Variants in ENTHD1 observed in about 807,000 individuals in gnomAD.
ENTHD1 encodes ENTH domain-containing protein 1.
In ENTHD1, 23 loss-of-function variants were observed where a neutral mutation model predicts 39.1. The observed-to-expected ratio is 0.59, with a 90% CI of 0.42 to 0.83. ENTHD1 has a LOEUF of 0.83. ENTHD1 is among the 40% of genes least tolerant of loss of function. The pLI is 0.00. For synonymous variants in ENTHD1, 230 were observed against 258.2 expected (o/e 0.89, Z 1.05); for missense variants, 624 against 705.4 (o/e 0.88, Z 1.31).
At chr22:39,779,893 GT>G (rs879843739) in intron 5 of ENTHD1, among the ~76,000 whole-genome samples, 3 of 151,718 alleles carry the variant, frequency 2.0e-5, no homozygotes, top group Non-Finnish European at 2.9e-5. Flanking sequence ...TATAAGATGG[GT>G]TTTTTTTGGT....
At chr22:39,880,205 G>A (rs2066326387) in intron 2 of ENTHD1, among the ~76,000 whole-genome samples, 1 of 152,218 alleles carries the variant, frequency 6.6e-6, no homozygotes, top group African/African-American at 2.4e-5. Context: ...CTGCACTCCA[G>A]CCCAGTGACA....
chr22:39,788,914 T>C, intron 5 of ENTHD1, among the ~76,000 whole-genome samples: 1 of 152,222 alleles, frequency 6.6e-6, no homozygotes, highest in Non-Finnish European at 1.5e-5. Flanking sequence ...AATTAAGGTG[T>C]ATACATTGTA....
intron 3 of ENTHD1, among the ~76,000 whole-genome samples, chr22:39,856,137 G>A (rs990392931): frequency 6.6e-6 from 1 of 152,134 alleles, no homozygotes; most frequent in African/African-American, 2.4e-5. Context: ...AGCCGGGTAT[G>A]GTGGCATGTG....
At chr22:39,775,085 A>T (rs1386375758) in intron 5 of ENTHD1, among the ~76,000 whole-genome samples, 4 of 152,234 alleles carry the variant, frequency 2.6e-5, no homozygotes, top group Non-Finnish European at 5.9e-5. Context: ...TACATAGTAC[A>T]ATGTGAATAC....
intron 5 of ENTHD1, among the ~76,000 whole-genome samples, chr22:39,816,830 GT>G (rs1401934691): frequency 6.6e-6 from 1 of 151,812 alleles, no homozygotes; most frequent in East Asian, 1.9e-4. Flanking sequence ...CATTAAGAAA[GT>G]TGAAAGACAA....
chr22:39,825,231 A>C (rs1413956336), intron 4 of ENTHD1, among the ~76,000 whole-genome samples: 1 of 152,216 alleles, frequency 6.6e-6, no homozygotes. Context: ...TTAAATTTAT[A>C]CCTAAGTATT....
At chr22:39,817,232 A>T (rs2065740780) in intron 5 of ENTHD1, among the ~76,000 whole-genome samples, 1 of 152,198 alleles carries the variant, frequency 6.6e-6, no homozygotes, top group Non-Finnish European at 1.5e-5. Flanking sequence ...GGCACAAATT[A>T]TGACCAAGAG....
At chr22:39,828,907 GT>G (rs1206546625) in intron 4 of ENTHD1, among the ~76,000 whole-genome samples, 1 of 152,074 alleles carries the variant, frequency 6.6e-6, no homozygotes, top group Non-Finnish European at 1.5e-5. Context: ...GCTCTATTCT[GT>G]TATGAATTTT....
intron 6 of ENTHD1, among the ~76,000 whole-genome samples, chr22:39,753,158 T>G (rs1401574555): frequency 6.6e-6 from 1 of 152,214 alleles, no homozygotes; most frequent in Admixed American, 6.5e-5. Context: ...TGTAGAATAC[T>G]GAATTTTTTC....
chr22:39,768,492 C>T (rs1467562926), intron 5 of ENTHD1, among the ~76,000 whole-genome samples: 1 of 152,156 alleles, frequency 6.6e-6, no homozygotes, highest in Non-Finnish European at 1.5e-5. Flanking sequence ...TTAAACCCTA[C>T]TATTCCTCAA....
At chr22:39,752,153 G>A (rs1301662429) in intron 6 of ENTHD1, among the ~76,000 whole-genome samples, 1 of 151,470 alleles carries the variant, frequency 6.6e-6, no homozygotes, top group East Asian at 1.9e-4. Context: ...ATACTTTTTG[G>A]TATACTATAT....
At chr22:39,861,299 G>A (rs552250661) in intron 3 of ENTHD1, among the ~76,000 whole-genome samples, 3 of 152,304 alleles carry the variant, frequency 2.0e-5, no homozygotes, top group South Asian at 2.1e-4. Flanking sequence ...CAGCACTTTC[G>A]GAGGCCAAGG....
chr22:39,853,656 G>A (rs974972686), intron 3 of ENTHD1, among the ~76,000 whole-genome samples: 35 of 152,174 alleles, frequency 2.3e-4, no homozygotes, highest in Non-Finnish European at 4.6e-4. Context: ...TCACTGCAAC[G>A]TCTGCCTCCC....
chr22:39,842,146 C>A (rs2065949176), intron 3 of ENTHD1, among the ~76,000 whole-genome samples: 3 of 151,324 alleles, frequency 2.0e-5, no homozygotes, highest in Admixed American at 1.3e-4. Context: ...GTAACCCAAC[C>A]TTTCTCTCTG....
At chr22:39,785,029 A>G (rs1353250574) in intron 5 of ENTHD1, among the ~76,000 whole-genome samples, 2 of 152,208 alleles carry the variant, frequency 1.3e-5, no homozygotes, top group Admixed American at 1.3e-4. Context: ...AACTTATCAC[A>G]TGTGCCTTGA....
intron 4 of ENTHD1, among the ~76,000 whole-genome samples, chr22:39,829,685 G>C (rs2065852649): frequency 6.6e-6 from 1 of 151,914 alleles, no homozygotes; most frequent in Non-Finnish European, 1.5e-5. Flanking sequence ...CAGCTACTTG[G>C]AGGGCTGAGG....
chr22:39,883,978 G>GA (rs918758862), intron 2 of ENTHD1, among the ~76,000 whole-genome samples: 13 of 150,948 alleles, frequency 8.6e-5, no homozygotes, highest in Non-Finnish European at 1.8e-4. Flanking sequence ...TCTTTAAAAT[G>GA]AAAAAAACTT....
chr22:39,823,790 C>T (rs769534305), intron 4 of ENTHD1, among the ~76,000 whole-genome samples: 5 of 152,124 alleles, frequency 3.3e-5, no homozygotes, highest in Non-Finnish European at 5.9e-5. Context: ...GTAATATATT[C>T]GTGTTTTAAT....
chr22:39,774,146 G>C lies in ENTHD1; in HGVS notation c.833-8537C>G, dbSNP rs552761101. Reference sequence around the variant, plus strand: ...ACTGAAATCTTAAGACCATTTCTTTGAAACTCATTCCTCTTCAGATGCCTC... The same window carrying C: ...ACTGAAATCTTAAGACCATTTCTTTCAAACTCATTCCTCTTCAGATGCCTC... On this transcript the variant is annotated intron_variant, in intron 5 of 6. Transcript: ENST00000325157. Among the ~76,000 whole-genome samples, 18 of 152,266 alleles carry C rather than the reference G, an allele frequency of 1.2e-4. 2 individuals carry two copies. The South Asian group carries it at 3.5e-3, about 30-fold the overall frequency.
Sources: gnomAD v4.1 joint callset for allele counts (sites outside exome capture counted in the v4.1 genomes callset) on GRCh38, gnomAD v4.1.1 for gene constraint, MANE v1.5 for transcripts, NCBI Gene and HGNC (gene_info 2026-07-23, HGNC 2026-07-21) for gene names.